Variants in GALNT13 observed in about 807,000 individuals in gnomAD.
GALNT13 encodes the protein UDP-GalNAc:polypeptide N-acetylgalactosaminyltransferase 13.
In GALNT13, 28 loss-of-function variants were observed where a neutral mutation model predicts 64.2. The observed-to-expected ratio is 0.44, with a 90% CI of 0.32 to 0.60. The LOEUF (loss-of-function observed/expected upper bound fraction) is 0.60, where lower values mean the gene tolerates loss of function less well. Among genes scored for constraint, GALNT13 ranks in the 20% least tolerant of loss-of-function variants. The pLI is 0.05. For synonymous variants in GALNT13, 214 were observed against 224.6 expected, an observed-to-expected ratio of 0.95 and a Z score of 0.42; for missense variants, 577 against 669.8, an observed-to-expected ratio of 0.86 and a Z score of 1.53.
chr2:153,314,280 G>A, the GALNT13 span, among the ~76,000 whole-genome samples: 1 of 152,086 alleles, frequency 6.6e-6, no homozygotes, highest in African/African-American at 2.4e-5. Context: ...CAGAGCTTAA[G>A]AGACCTATAG....
intron 9 of GALNT13, among the ~76,000 whole-genome samples, chr2:154,309,803 G>C (rs1369116023): frequency 6.6e-6 from 1 of 152,122 alleles, no homozygotes; most frequent in Non-Finnish European, 1.5e-5. Flanking sequence ...ACTCCTCTTA[G>C]AGCGCTGCTG....
chr2:153,878,799 A>C (rs1182275666), intron 1 of GALNT13, among the ~76,000 whole-genome samples: 1 of 152,194 alleles, frequency 6.6e-6, no homozygotes, highest in Non-Finnish European at 1.5e-5. Context: ...GTGCTCTTGT[A>C]AAACTGGTGG....
At chr2:153,787,819 G>A in the GALNT13 span, among the ~76,000 whole-genome samples, 4 of 152,128 alleles carry the variant, frequency 2.6e-5, no homozygotes, top group African/African-American at 9.7e-5. Context: ...TAACAGCAGA[G>A]GGAACCAAGC....
At chr2:153,264,156 A>C in the GALNT13 span, among the ~76,000 whole-genome samples, 1 of 152,242 alleles carries the variant, frequency 6.6e-6, no homozygotes, top group South Asian at 2.1e-4. Context: ...TCTGAAAAGA[A>C]GACATACAAG....
chr2:154,062,413 G>A (rs1421205236), intron 3 of GALNT13, among the ~76,000 whole-genome samples: 1 of 151,872 alleles, frequency 6.6e-6, no homozygotes, highest in African/African-American at 2.4e-5. Context: ...TTGACCATTT[G>A]TATTAGTCTG....
At chr2:154,081,307 G>C (rs1377912875) in intron 3 of GALNT13, among the ~76,000 whole-genome samples, 1 of 151,454 alleles carries the variant, frequency 6.6e-6, no homozygotes, top group Non-Finnish European at 1.5e-5. Flanking sequence ...CCATCTTCTC[G>C]AGAGAGAATC....
chr2:153,073,137 C>CA, the GALNT13 span, among the ~76,000 whole-genome samples: 1 of 151,840 alleles, frequency 6.6e-6, no homozygotes, highest in Non-Finnish European at 1.5e-5. Context: ...ATATGCTGTT[C>CA]AAAAAAATGA....
chr2:154,112,179 G>A (rs995242661), intron 3 of GALNT13, among the ~76,000 whole-genome samples: 4 of 152,206 alleles, frequency 2.6e-5, no homozygotes, highest in Non-Finnish European at 5.9e-5. Flanking sequence ...GTGCCATATG[G>A]AAATCTCAGT....
the GALNT13 span, among the ~76,000 whole-genome samples, chr2:153,501,488 T>G: frequency 1.3e-5 from 2 of 152,078 alleles, no homozygotes; most frequent in East Asian, 1.9e-4. Flanking sequence ...CAAACCACCA[T>G]GCCCGGTTAA....
chr2:153,874,793 G>T (rs6751451), intron 1 of GALNT13, among the ~76,000 whole-genome samples: 37,773 of 151,938 alleles, frequency 0.25, 6,848 homozygotes, highest in East Asian at 0.88. Context: ...CTTCTTTGTA[G>T]TTCATGTTAT....
the GALNT13 span, among the ~76,000 whole-genome samples, chr2:153,526,709 A>T: frequency 6.6e-6 from 1 of 152,220 alleles, no homozygotes; most frequent in African/African-American, 2.4e-5. Flanking sequence ...TAAATAAGGC[A>T]TCAGAGACCA....
At chr2:153,214,879 T>C in the GALNT13 span, among the ~76,000 whole-genome samples, 1 of 152,154 alleles carries the variant, frequency 6.6e-6, no homozygotes, top group South Asian at 2.1e-4. Context: ...TCTTGATTTA[T>C]AAATATCTTT....
At chr2:153,780,214 G>GATAGATAT in the GALNT13 span, among the ~76,000 whole-genome samples, 1 of 128,034 alleles carries the variant, frequency 7.8e-6, no homozygotes, top group South Asian at 2.6e-4. Context: ...AGAATTTGAA[G>GATAGATAT]ATATATATAT....
At chr2:153,400,119 G>T in the GALNT13 span, among the ~76,000 whole-genome samples, 3 of 151,932 alleles carry the variant, frequency 2.0e-5, no homozygotes, top group Non-Finnish European at 4.4e-5. Context: ...AATTTATTGA[G>T]AGTTTTTAGC....
At chr2:154,302,988 C>T (rs1278044397) in intron 9 of GALNT13, among the ~76,000 whole-genome samples, 1 of 152,020 alleles carries the variant, frequency 6.6e-6, no homozygotes, top group South Asian at 2.1e-4. Flanking sequence ...AGGGCCATTT[C>T]GAAATATGGC....
the GALNT13 span, among the ~76,000 whole-genome samples, chr2:153,493,453 C>A: frequency 2.6e-5 from 4 of 151,828 alleles, no homozygotes; most frequent in African/African-American, 9.7e-5. Flanking sequence ...AAACACAATA[C>A]GAAAATAAAA....
chr2:154,172,695 TCTTCA>T (rs1203279214), intron 4 of GALNT13, among the ~76,000 whole-genome samples: 1 of 151,930 alleles, frequency 6.6e-6, no homozygotes, highest in Non-Finnish European at 1.5e-5. Context: ...GAGCACATTT[TCTTCA>T]CTTATCTGTT....
intron 3 of GALNT13, among the ~76,000 whole-genome samples, chr2:154,035,708 A>G (rs1698621212): frequency 6.6e-6 from 1 of 152,020 alleles, no homozygotes; most frequent in African/African-American, 2.4e-5. Flanking sequence ...TATTTGTTGA[A>G]TTATTTATTG....
chr2:154,254,529 C>T (rs1300447389), intron 7 of GALNT13, among the ~76,000 whole-genome samples: 1 of 151,582 alleles, frequency 6.6e-6, no homozygotes, highest in African/African-American at 2.4e-5. Flanking sequence ...TATTAGCAAA[C>T]ATAGAAGACT....
Sources: gnomAD v4.1 joint callset for allele counts (sites outside exome capture counted in the v4.1 genomes callset) on GRCh38, gnomAD v4.1.1 for gene constraint, MANE v1.5 for transcripts, NCBI Gene and HGNC (gene_info 2026-07-23, HGNC 2026-07-21) for gene names.